Variants in PPFIA2 observed in about 807,000 individuals in gnomAD.
The protein encoded by PPFIA2 is liprin-alpha-2.
Under a neutral mutation model 175.5 loss-of-function variants are expected in PPFIA2, and 46 were observed. The observed-to-expected ratio is 0.26, with a 90% CI of 0.21 to 0.34. The LOEUF is 0.34. PPFIA2 is among the 10% of genes least tolerant of loss of function. PPFIA2 has a pLI of 1.00. For missense variants in PPFIA2, 1,179 were observed against 1,506.1 expected (o/e 0.78, Z 3.60); for synonymous variants, 568 against 511.4 (o/e 1.11, Z -1.49).
chr12:81,456,963 T>G (rs2053670905), intron 5 of PPFIA2, among the ~76,000 whole-genome samples: 1 of 151,804 alleles, frequency 6.6e-6, no homozygotes, highest in African/African-American at 2.4e-5. Context: ...TTTTTTCAGT[T>G]TTTTTTTCTT....
chr12:81,393,224 C>T (rs1028534263), intron 8 of PPFIA2, among the ~76,000 whole-genome samples: 5 of 152,160 alleles, frequency 3.3e-5, no homozygotes, highest in African/African-American at 7.2e-5. Flanking sequence ...TAGAGAAAAA[C>T]ATTCATCTGT....
intron 4 of PPFIA2, among the ~76,000 whole-genome samples, chr12:81,598,633 C>G (rs1417868949): frequency 6.7e-6 from 1 of 148,978 alleles, no homozygotes; most frequent in African/African-American, 2.5e-5. Context: ...TTTTTTTTTA[C>G]AAAGCCTTTT....
At chr12:81,586,101 A>C (rs1413212355) in intron 4 of PPFIA2, among the ~76,000 whole-genome samples, 1 of 152,134 alleles carries the variant, frequency 6.6e-6, no homozygotes, top group Non-Finnish European at 1.5e-5. Context: ...GACTGTATAT[A>C]CAAACATTAC....
At chr12:81,318,769 T>C (rs2052995709) in intron 22 of PPFIA2, among the ~76,000 whole-genome samples, 1 of 151,704 alleles carries the variant, frequency 6.6e-6, no homozygotes, top group African/African-American at 2.4e-5. Context: ...TTTTCGGCAC[T>C]TTTCTCATTC....
intron 7 of PPFIA2, among the ~76,000 whole-genome samples, chr12:81,411,454 C>T (rs1451251114): frequency 1.3e-5 from 2 of 152,004 alleles, no homozygotes; most frequent in African/African-American, 4.8e-5. Context: ...TCAAGCCAAT[C>T]TTCTAGGTTT....
Position 81,481,381 on chromosome 12 carries a change from GA to G in PPFIA2, c.304-23516del, listed in dbSNP as rs199692305. Among the ~76,000 whole-genome samples the G allele has an allele frequency of 3.0e-3, 463 of 152,204 alleles. 6 individuals are homozygous for G. The highest frequency in any genetic ancestry group is 0.029 in the East Asian group (150 of 5,174). On this transcript the variant is annotated intron_variant, in intron 4 of 32. Transcript: ENST00000549396. The stretch of plus-strand genomic sequence containing the variant: ...ACCATTGACTTTCTTCACAGAATTA[GA>G]AAAAACTACTTTAAATTTCATATGG...
chr12:81,300,973 A>AAATACAATACAATACAATAT (rs1281825138), intron 22 of PPFIA2, among the ~76,000 whole-genome samples: 1 of 151,856 alleles, frequency 6.6e-6, no homozygotes, highest in African/African-American at 2.4e-5. Context: ...AACTGTCTGA[A>AAATACAATACAATACAATAT]AATACAATAC....
intron 22 of PPFIA2, among the ~76,000 whole-genome samples, chr12:81,304,294 T>G (rs1332860152): frequency 6.6e-6 from 1 of 152,200 alleles, no homozygotes; most frequent in East Asian, 1.9e-4. Flanking sequence ...GTGTCTGAGT[T>G]GATTAGGGGG....
Position 81,642,081 on chromosome 12 carries a change from T to C in PPFIA2, c.303+34710A>G, listed in dbSNP as rs76747922. On this transcript the variant is annotated intron_variant, in intron 4 of 32. Transcript: ENST00000549396. ...TAATGGAGATGATTTCAATGATTTA[T>C]ATCATTGTTATATATATGTAGATAT... is the stretch of plus-strand genomic sequence containing the variant. 4.1e-3 allele frequency among the ~76,000 whole-genome samples: 628 copies of C among 152,276 alleles called. 5 individuals carry two copies. The highest frequency in any genetic ancestry group is 0.014 in the African/African-American group (578 of 41,554).
intron 4 of PPFIA2, among the ~76,000 whole-genome samples, chr12:81,511,534 C>A (rs1466203286): frequency 2.0e-5 from 3 of 151,956 alleles, no homozygotes; most frequent in African/African-American, 7.2e-5. Context: ...AGGATTATAT[C>A]TACCAGTAGA....
chr12:81,267,051 C>A (rs372090351), intron 29 of PPFIA2, 31 bp from the exon 30 acceptor site: 2 of 1,471,778 alleles, frequency 1.4e-6, no homozygotes, highest in Non-Finnish European at 1.9e-6. Context: ...TTACCATCAC[C>A]GAAATCACAT....
chr12:81,380,968 G>A (rs750792551), intron 9 of PPFIA2, among the ~76,000 whole-genome samples: 3 of 43,556 alleles, frequency 6.9e-5, no homozygotes, highest in Non-Finnish European at 1.4e-4. Flanking sequence ...AGTGCTGTGT[G>A]TGTGTGTGTG....
intron 4 of PPFIA2, among the ~76,000 whole-genome samples, chr12:81,462,605 T>TATAA (rs1369157723): frequency 5.1e-5 from 6 of 118,114 alleles, no homozygotes; most frequent in African/African-American, 1.8e-4. Context: ...TATATATATA[T>TATAA]ATAATATAGC....
chr12:81,462,292 T>C (rs2054708534), intron 4 of PPFIA2, among the ~76,000 whole-genome samples: 1 of 145,720 alleles, frequency 6.9e-6, no homozygotes, highest in South Asian at 2.1e-4. Context: ...AAAACATATA[T>C]ATATATATAT....
At chr12:81,534,380 T>C (rs552441481) in intron 4 of PPFIA2, among the ~76,000 whole-genome samples, 1 of 151,800 alleles carries the variant, frequency 6.6e-6, no homozygotes, top group East Asian at 1.9e-4. Context: ...TTCAGGGTGA[T>C]GGATATCCTA....
At chr12:81,395,731 C>T (rs2041012218) in intron 8 of PPFIA2, among the ~76,000 whole-genome samples, 2 of 151,956 alleles carry the variant, frequency 1.3e-5, no homozygotes, top group Non-Finnish European at 2.9e-5. Flanking sequence ...AGGACAGCTC[C>T]CAGAGATTAC....
At chr12:81,300,376 A>T (rs1215929212) in intron 22 of PPFIA2, among the ~76,000 whole-genome samples, 1 of 152,168 alleles carries the variant, frequency 6.6e-6, no homozygotes, top group Non-Finnish European at 1.5e-5. Flanking sequence ...TTTCATGAAA[A>T]TCATTTATGA....
chr12:81,725,839 TA>T (rs1484959073), intron 3 of PPFIA2, among the ~76,000 whole-genome samples: 1 of 150,924 alleles, frequency 6.6e-6, no homozygotes, highest in Non-Finnish European at 1.5e-5. Flanking sequence ...ATAGATACCA[TA>T]AAAACCTTAA....
At chr12:81,637,804 A>C (rs1243319839) in intron 4 of PPFIA2, among the ~76,000 whole-genome samples, 1 of 152,146 alleles carries the variant, frequency 6.6e-6, no homozygotes, top group Non-Finnish European at 1.5e-5. Flanking sequence ...TTTGTCCTGC[A>C]CATGTATCAT....
Sources: allele counts gnomAD v4.1 joint callset (sites outside exome capture counted in the v4.1 genomes callset), GRCh38; gene constraint gnomAD v4.1.1; transcripts MANE v1.5; gene names NCBI Gene and HGNC (gene_info 2026-07-23, HGNC 2026-07-21).